CNKSR2: variants seen among roughly 807,000 people sequenced by gnomAD.
CNKSR2 encodes connector enhancer of kinase suppressor of Ras 2.
A neutral mutation model predicts 84.4 loss-of-function variants in CNKSR2; 14 were observed. That is an observed-to-expected ratio of 0.17 (90% CI 0.11 to 0.26). The LOEUF is 0.26. Ranked by LOEUF, CNKSR2 falls within the 10% of genes least tolerant of loss-of-function variation. The probability of loss-of-function intolerance (pLI) is 1.00; values close to 1 mark genes in which losing one functional copy is unlikely to be tolerated. For synonymous variants in CNKSR2, 275 were observed against 277.9 expected, an observed-to-expected ratio of 0.99 and a Z score of 0.10; for missense variants, 485 against 771.2, an observed-to-expected ratio of 0.63 and a Z score of 4.40.
chrX:21,532,827 G>A (rs1422330687), intron 11 of CNKSR2, among the ~76,000 whole-genome samples: 2 of 111,212 alleles, frequency 1.8e-5, no homozygotes, highest in East Asian at 5.6e-4. Context: ...ATAATTTTTA[G>A]CGAGGAGCTT....
At chrX:21,532,405 A>G (rs772199677) in intron 11 of CNKSR2, among the ~76,000 whole-genome samples, 36 of 110,968 alleles carry the variant, frequency 3.2e-4, no homozygotes, top group Non-Finnish European at 5.5e-4. Context: ...TTGTTTTTTT[A>G]AATGAATACT....
intron 5 of CNKSR2, among the ~76,000 whole-genome samples, chrX:21,485,417 A>T (rs915992468): frequency 1.8e-5 from 2 of 110,907 alleles, no homozygotes; most frequent in African/African-American, 6.6e-5. Flanking sequence ...TAAAGCTTAT[A>T]TTTAGGTAAA....
At chrX:21,547,519 A>G (rs954460427) in intron 11 of CNKSR2, among the ~76,000 whole-genome samples, 6 of 111,398 alleles carry the variant, frequency 5.4e-5, no homozygotes, top group African/African-American at 1.6e-4. Context: ...AGACAGATCA[A>G]TGAGACAGAA....
chrX:21,424,452 T>G (rs988521244), intron 1 of CNKSR2: 5 of 111,658 alleles, frequency 4.5e-5, no homozygotes, highest in African/African-American at 1.6e-4. Context: ...TTGTTTTCAT[T>G]CTTAGATGCC....
At chrX:21,531,062 G>C (rs916865268) in intron 10 of CNKSR2, among the ~76,000 whole-genome samples, 46 of 110,771 alleles carry the variant, frequency 4.2e-4, no homozygotes, top group Admixed American at 3.2e-3. Flanking sequence ...CATTTAGAAT[G>C]AGTTCTAGGA....
intron 6 of CNKSR2, chrX:21,495,764 C>T (rs1382938437): frequency 9.3e-5 from 6 of 64,379 alleles, no homozygotes; most frequent in Non-Finnish European, 1.6e-4. Context: ...GCCTGGGGGA[C>T]GAAAGTGAAG....
At chrX:21,389,444 A>C (rs1368553107) in intron 1 of CNKSR2, among the ~76,000 whole-genome samples, 1 of 111,020 alleles carries the variant, frequency 9.0e-6, no homozygotes, top group African/African-American at 3.3e-5. Context: ...GTAGATGTAA[A>C]ACTATTCTGA....
At chrX:21,468,615 C>T (rs767962147) in intron 4 of CNKSR2, 1 of 111,113 alleles carries the variant, frequency 9.0e-6, no homozygotes, top group African/African-American at 3.3e-5. Flanking sequence ...AGCCATTTTC[C>T]AAGAAGGCTT....
intron 5 of CNKSR2, among the ~76,000 whole-genome samples, chrX:21,488,136 C>T (rs1367862864): frequency 8.9e-6 from 1 of 111,837 alleles, no homozygotes; most frequent in African/African-American, 3.2e-5. Context: ...CATGGCCATG[C>T]AGCTAGACTA....
intron 4 of CNKSR2, among the ~76,000 whole-genome samples, chrX:21,458,075 T>C (rs148908628): frequency 2.1e-4 from 23 of 112,126 alleles, no homozygotes; most frequent in Non-Finnish European, 4.0e-4. Flanking sequence ...TTTACTGTTA[T>C]TTGTTTGGAA....
intron 11 of CNKSR2, among the ~76,000 whole-genome samples, chrX:21,537,441 A>T (rs1440125126): frequency 9.0e-6 from 1 of 111,522 alleles, no homozygotes; most frequent in African/African-American, 3.3e-5. Context: ...TAGATGACCT[A>T]TCTAATGCTG....
chrX:21,381,218 A>G (rs1482942972), intron 1 of CNKSR2, among the ~76,000 whole-genome samples: 9 of 111,774 alleles, frequency 8.1e-5, no homozygotes, highest in Non-Finnish European at 1.3e-4. Context: ...GTAGAAAGCA[A>G]AATTGGCATT....
chrX:21,532,837 T>G (rs1254654448), intron 11 of CNKSR2, among the ~76,000 whole-genome samples: 2 of 111,542 alleles, frequency 1.8e-5, no homozygotes, highest in Non-Finnish European at 3.8e-5. Flanking sequence ...GCGAGGAGCT[T>G]ATACTTTGAG....
intron 4 of CNKSR2, among the ~76,000 whole-genome samples, chrX:21,468,272 A>C (rs1031526369): frequency 1.8e-5 from 2 of 111,351 alleles, no homozygotes; most frequent in African/African-American, 6.5e-5. Context: ...AATTTAGTAT[A>C]TTCAATATTA....
chrX:21,474,665 A>G (rs1047812824), intron 5 of CNKSR2, among the ~76,000 whole-genome samples: 1 of 111,496 alleles, frequency 9.0e-6, no homozygotes, highest in Non-Finnish European at 1.9e-5. Flanking sequence ...TGGAGAAAAA[A>G]GTGGGCTGAG....
intron 20 of CNKSR2, among the ~76,000 whole-genome samples, chrX:21,627,728 C>G (rs990464718): frequency 1.8e-5 from 2 of 111,301 alleles, no homozygotes; most frequent in Non-Finnish European, 3.8e-5. Context: ...ACAGGAAAGA[C>G]CCACCCCCAT....
At chrX:21,474,262 C>A (rs1307749295) in intron 5 of CNKSR2, among the ~76,000 whole-genome samples, 1 of 111,009 alleles carries the variant, frequency 9.0e-6, no homozygotes, top group Non-Finnish European at 1.9e-5. Flanking sequence ...AGCATCTTAG[C>A]CTGGGTTCTT....
rs113629606 is a variant in CNKSR2 at position 21,526,786 on chromosome X, A to ATTG, written c.958-51_958-49dup. On this transcript the variant is annotated intron_variant, in intron 9 of 21. Coordinates refer to ENST00000379510, the MANE Select transcript of CNKSR2 (RefSeq NM_014927.5). Reference sequence around the variant, plus strand: ...AATTTTAAAATGATAACTATGTGTCATTGTTGTTGTTGTTGTTGTTGTTGT... The same window carrying ATTG: ...AATTTTAAAATGATAACTATGTGTCATTGTTGTTGTTGTTGTTGTTGTTGTTGT... 6.7e-3 allele frequency: 5,111 copies of ATTG among 763,131 alleles called. 33 individuals carry two copies. The highest frequency in any genetic ancestry group is 0.041 in the African/African-American group (1,882 of 45,725). 62.9% of individuals were successfully genotyped at this position (763,131 alleles called of 1,213,427 possible). A position where few individuals can be genotyped will look rare whatever the true frequency, so the allele number is the denominator to read the frequency against.
intron 16 of CNKSR2, 31 bp downstream of exon 16, chrX:21,595,078 G>A (rs1284120246): frequency 4.7e-6 from 5 of 1,058,300 alleles, no homozygotes; most frequent in Non-Finnish European, 6.5e-6. Context: ...AAGAGGGAAC[G>A]ATAGTTTTTT....
Sources: allele counts gnomAD v4.1 joint callset (sites outside exome capture counted in the v4.1 genomes callset), GRCh38; gene constraint gnomAD v4.1.1; transcripts MANE v1.5; gene names NCBI Gene and HGNC (gene_info 2026-07-23, HGNC 2026-07-21).